Variants in AK8 observed in about 807,000 individuals in gnomAD.
The protein encoded by AK8 is ATP-AMP transphosphorylase 8.
In AK8, 44 loss-of-function variants were observed where a neutral mutation model predicts 54.6. The observed-to-expected ratio is 0.81, with a 90% CI of 0.63 to 1.04. The LOEUF is 1.04. Among genes scored for constraint, AK8 ranks in the 50% least tolerant of loss-of-function variants. The probability of loss-of-function intolerance (pLI) is 0.00; values close to 1 mark genes in which losing one functional copy is unlikely to be tolerated. For synonymous variants in AK8, 239 were observed against 245.6 expected, an observed-to-expected ratio of 0.97 and a Z score of 0.25; for missense variants, 555 against 613.6, an observed-to-expected ratio of 0.90 and a Z score of 1.01.
intron 10 of AK8, among the ~76,000 whole-genome samples, chr9:132,797,964 G>A (rs182723988): frequency 2.6e-5 from 4 of 152,194 alleles, no homozygotes; most frequent in African/African-American, 4.8e-5. Flanking sequence ...AAAGCTCCTC[G>A]TTCGAGTCCT....
intron 11 of AK8, among the ~76,000 whole-genome samples, chr9:132,743,117 A>C (rs949372975): frequency 6.6e-6 from 1 of 152,256 alleles, no homozygotes; most frequent in African/African-American, 2.4e-5. Flanking sequence ...GCCCAGGTTC[A>C]GAGCCAGCTG....
intron 11 of AK8, among the ~76,000 whole-genome samples, chr9:132,742,705 GT>G (rs1837451216): frequency 3.3e-5 from 5 of 152,216 alleles, no homozygotes; most frequent in Admixed American, 3.3e-4. Context: ...TCCTGACCCT[GT>G]CTCAGCATCT....
chr9:132,841,201 T>C (rs1224834229), intron 5 of AK8, among the ~76,000 whole-genome samples: 1 of 152,174 alleles, frequency 6.6e-6, no homozygotes, highest in Non-Finnish European at 1.5e-5. Context: ...GAGCAGGCTG[T>C]CCACACCAGT....
chr9:132,812,529 G>GTACCCAC (rs1564415078), intron 10 of AK8, among the ~76,000 whole-genome samples: 9 of 147,178 alleles, frequency 6.1e-5, no homozygotes, highest in African/African-American at 9.7e-5. Context: ...GTGAGCTACC[G>GTACCCAC]TGCCCACTGG....
At chr9:132,797,986 T>G (rs1840255095) in intron 10 of AK8, among the ~76,000 whole-genome samples, 1 of 152,220 alleles carries the variant, frequency 6.6e-6, no homozygotes, top group Admixed American at 6.5e-5. Flanking sequence ...TAACCTTTTA[T>G]AAGGAACAGC....
chr9:132,725,641 A>G lies in AK8; in HGVS notation c.*47T>C, dbSNP rs77647870. On this transcript the variant is annotated 3_prime_UTR_variant, in exon 13 of 13. Transcript: ENST00000298545. ...GTGCCGAGGCTGGGGGGCTGGGGGC[A>G]GGGGATTAACTCTTTCCCTGGGGCA... 1 of 1,494,494 alleles carries G rather than the reference A, an allele frequency of 6.7e-7. No individual in the cohort carries two copies. Among genetic ancestry groups the G allele is most frequent in the Non-Finnish European group, 9.1e-7 (1 of 1,095,682 alleles). The allele number at this position is 1,494,494 out of a possible 1,614,324, so 92.6% of individuals were successfully genotyped here. A position where few individuals can be genotyped will look rare whatever the true frequency, so the allele number is the denominator to read the frequency against.
intron 5 of AK8, among the ~76,000 whole-genome samples, chr9:132,850,545 C>A (rs1049040911): frequency 2.0e-5 from 3 of 152,050 alleles, no homozygotes; most frequent in African/African-American, 7.2e-5. Flanking sequence ...TTACAGGCAC[C>A]CACCACCATG....
intron 9 of AK8, among the ~76,000 whole-genome samples, chr9:132,821,760 T>C (rs28450376): frequency 1.4e-4 from 20 of 141,950 alleles, no homozygotes; most frequent in Non-Finnish European, 2.7e-4. Context: ...TACAAATATA[T>C]ACATATATGT....
At chr9:132,843,296 GTCTC>G (rs954593763) in intron 5 of AK8, among the ~76,000 whole-genome samples, 1 of 152,046 alleles carries the variant, frequency 6.6e-6, no homozygotes, top group South Asian at 2.1e-4. Context: ...CCCTCCCACT[GTCTC>G]TCTCTTGCTC....
At chr9:132,737,946 G>A (rs1837194466) in intron 11 of AK8, among the ~76,000 whole-genome samples, 1 of 152,220 alleles carries the variant, frequency 6.6e-6, no homozygotes, top group Admixed American at 6.5e-5. Flanking sequence ...CTGGGTGTGG[G>A]CGGTCTGAGC....
chr9:132,860,587 A>G lies in AK8; in HGVS notation c.333+3078T>C, dbSNP rs1843346894. 6.6e-6 allele frequency among the ~76,000 whole-genome samples: 1 copy of G among 152,232 alleles called. No individual in the cohort carries two copies. The highest frequency in any genetic ancestry group is 6.5e-5 in the Admixed American group (1 of 15,280). ...CTAGAGGTGGGCATTCTACAGGACTAGACAGGGGAGCATGTTTGGCTTTCT... is the reference window on the plus strand; with the variant it reads ...CTAGAGGTGGGCATTCTACAGGACTGGACAGGGGAGCATGTTTGGCTTTCT... On this transcript the variant is annotated intron_variant, in intron 4 of 12. Coordinates refer to ENST00000298545, the MANE Select transcript of AK8 (RefSeq NM_152572.3). This position sits in a 1 kb window ranked among gnomAD's most constrained non-coding sequence, Gnocchi z 4.4.
At chr9:132,786,928 G>A (rs1365357267) in intron 11 of AK8, among the ~76,000 whole-genome samples, 2 of 151,920 alleles carry the variant, frequency 1.3e-5, no homozygotes, top group Non-Finnish European at 2.9e-5. Flanking sequence ...ATAAGATCAA[G>A]AAACTATAAA....
At chr9:132,814,395 C>T (rs1841219630) in intron 10 of AK8, among the ~76,000 whole-genome samples, 1 of 147,354 alleles carries the variant, frequency 6.8e-6, no homozygotes, top group African/African-American at 2.5e-5. Flanking sequence ...GAAATAGGAA[C>T]ATCCTAAACC....
chr9:132,779,226 T>G (rs1839355814), intron 11 of AK8, among the ~76,000 whole-genome samples: 1 of 152,246 alleles, frequency 6.6e-6, no homozygotes. Flanking sequence ...CAGCGTCACA[T>G]GGGGAAGTGT....
intron 2 of AK8, among the ~76,000 whole-genome samples, chr9:132,873,475 A>G (rs1188509330): frequency 6.6e-6 from 1 of 152,188 alleles, no homozygotes; most frequent in Non-Finnish European, 1.5e-5. Flanking sequence ...GCTGCACTGC[A>G]CTTTCCACTC....
At chr9:132,731,246 C>T (rs1836830904) in intron 11 of AK8, among the ~76,000 whole-genome samples, 1 of 152,218 alleles carries the variant, frequency 6.6e-6, no homozygotes, top group South Asian at 2.1e-4. Context: ...GCTGCATCAT[C>T]TTGGAAACTA....
rs796197066 is a variant in AK8, at chr9:132,864,920, C to G, written c.220-1142G>C. On this transcript the variant is annotated intron_variant, in intron 3 of 12. Coordinates refer to ENST00000298545, the MANE Select transcript of AK8 (RefSeq NM_152572.3). The stretch of plus-strand genomic sequence containing the variant: ...GAGCAACCAGACTCCTCCAGAAAAA[C>G]GAGTTCAACGAGCTTGTCTGTCTAA... Among the ~76,000 whole-genome samples, 16 of 152,328 alleles carry G rather than the reference C, an allele frequency of 1.1e-4. 1 individual carries two copies. The highest frequency in any genetic ancestry group is 3.8e-4 in the African/African-American group (16 of 41,574).
At chr9:132,801,913 A>T (rs966227300) in intron 10 of AK8, among the ~76,000 whole-genome samples, 2 of 152,190 alleles carry the variant, frequency 1.3e-5, no homozygotes, top group Admixed American at 1.3e-4. Flanking sequence ...TGGAGCTTGG[A>T]TTTGCATCCA....
At chr9:132,795,139 C>G (rs1211264486) in intron 10 of AK8, among the ~76,000 whole-genome samples, 1 of 152,178 alleles carries the variant, frequency 6.6e-6, no homozygotes, top group African/African-American at 2.4e-5. Flanking sequence ...TCCAGAGAGA[C>G]TTAGGGACCT....
Sources: gnomAD v4.1 joint callset for allele counts (sites outside exome capture counted in the v4.1 genomes callset) on GRCh38, gnomAD v4.1.1 for gene constraint, Gnocchi (gnomAD v3.1) non-coding constraint, MANE v1.5 for transcripts, NCBI Gene and HGNC (gene_info 2026-07-23, HGNC 2026-07-21) for gene names.